Variants in FGF13 observed in about 807,000 individuals in gnomAD.
FGF13 encodes fibroblast growth factor homologous factor 2.
In FGF13, 2 loss-of-function variants were observed where a neutral mutation model predicts 19.5. The observed-to-expected ratio is 0.10, with a 90% confidence interval of 0.04 to 0.32. The LOEUF (loss-of-function observed/expected upper bound fraction) is 0.32. Ranked by LOEUF, FGF13 falls within the 10% of genes least tolerant of loss-of-function variation. The pLI, the probability that FGF13 is intolerant of heterozygous loss-of-function variation, is 1.00. For synonymous variants in FGF13, 72 were observed against 76.9 expected (o/e 0.94, Z 0.33); for missense variants, 113 against 192.7 (o/e 0.59, Z 2.45).
intron 3 of FGF13, among the ~76,000 whole-genome samples, chrX:138,847,349 C>T (rs1323995661): frequency 2.7e-5 from 3 of 111,774 alleles, no homozygotes; most frequent in Non-Finnish European, 3.8e-5. Flanking sequence ...GAAGATGTGG[C>T]CCAGTGGAAG....
intron 1 of FGF13, among the ~76,000 whole-genome samples, chrX:138,981,845 A>G (rs920049907): frequency 4.0e-4 from 44 of 110,944 alleles, no homozygotes; most frequent in African/African-American, 1.4e-3. Context: ...GGTTCATCCA[A>G]TTCCTTTGCT....
At chrX:139,090,941 CAAA>C (rs1181771963) in intron 1 of FGF13, among the ~76,000 whole-genome samples, 9 of 32,760 alleles carry the variant, frequency 2.7e-4, no homozygotes, top group African/African-American at 7.9e-4. Flanking sequence ...GACCCTGTCT[CAAA>C]AAAAAAAAAA....
rs750946571 is a variant in FGF13 at position 138,619,917 on chromosome X, C to T, written c.*12933G>A. ...GTGGAAGACAGTGTGGTGATTTCTC[C>T]GAGATCTAGAACCAGAAATAACATT... On this transcript the variant is annotated 3_prime_UTR_variant, in exon 5 of 5. Coordinates refer to ENST00000315930, the MANE Select transcript of FGF13 (RefSeq NM_004114.5). 3.6e-5 allele frequency: 4 copies of T among 111,606 alleles called. No homozygotes were observed. The highest frequency in any genetic ancestry group is 3.8e-4 in the South Asian group (1 of 2,633). The allele number at this position is 111,606 out of a possible 1,213,427, so 9.2% of individuals were successfully genotyped here. A position where few individuals can be genotyped will look rare whatever the true frequency, so the allele number is the denominator to read the frequency against.
At chrX:138,734,183 C>G (rs1181329778) in intron 1 of FGF13, among the ~76,000 whole-genome samples, 1 of 111,860 alleles carries the variant, frequency 8.9e-6, no homozygotes, top group African/African-American at 3.2e-5. Context: ...ATCTTCACAG[C>G]TTGTATGCAA....
In FGF13 at chrX:139,178,691, A is replaced by G. The variant is rs1035503227; in HGVS notation, c.-113+24725T>C. 2.7e-5 allele frequency among the ~76,000 whole-genome samples: 3 copies of G among 112,162 alleles called. No homozygotes were observed. The South Asian group carries it at 1.1e-3, about 42-fold the overall frequency. ...ATCTAAGGTCTTTAAACAAACATCA[A>G]ACAAGTTATGCGTAGAAAAACAATA... On this transcript the variant is annotated intron_variant, in intron 1 of 2. Coordinates refer to the FGF13 transcript ENST00000421460.
At chrX:138,711,737 C>T (rs1017464851), upstream of FGF13, 258 of 726,251 alleles carry the variant, frequency 3.6e-4, no homozygotes, top group Non-Finnish European at 4.0e-4. Flanking sequence ...GCAGCCCCCT[C>T]CCGCGACGGC....
Position 139,091,791 on chromosome X carries a change from G to A in FGF13, c.-113+111625C>T, listed in dbSNP as rs769983142. 2.7e-5 allele frequency among the ~76,000 whole-genome samples: 3 copies of A among 111,183 alleles called. No individual in the cohort carries two copies. The South Asian group carries it at 1.2e-3, about 43-fold the overall frequency. ...TCAGGGTGTGTTCAGCAAGAGGTAAGGGGTCTAGTTCTGCTGGAAATGAGC... is the reference window on the plus strand; with the variant it reads ...TCAGGGTGTGTTCAGCAAGAGGTAAAGGGTCTAGTTCTGCTGGAAATGAGC... On this transcript the variant is annotated intron_variant, in intron 1 of 2. Transcript: ENST00000421460.
intron 1 of FGF13, among the ~76,000 whole-genome samples, chrX:138,939,046 T>C (rs927598014): frequency 5.3e-5 from 6 of 112,313 alleles, no homozygotes; most frequent in Non-Finnish European, 1.1e-4. Flanking sequence ...GCTTTAAATG[T>C]AATGTTAATT....
Position 138,901,929 on chromosome X carries a change from C to T in FGF13, c.-112-37279G>A, listed in dbSNP as rs72616252. 1.0e-3 allele frequency among the ~76,000 whole-genome samples: 116 copies of T among 111,940 alleles called. No homozygotes were observed. In the East Asian group the frequency reaches 0.03, roughly 29 times the overall value. On this transcript the variant is annotated intron_variant, in intron 1 of 2. Coordinates refer to the FGF13 transcript ENST00000421460. ...CTGTAAATATTAAAAGAAATAATGG[C>T]TAATGGAGGAATTGTGGAAGTAAGG...
upstream of FGF13, among the ~76,000 whole-genome samples, chrX:138,711,846 C>A (rs1381397477): frequency 1.0e-5 from 1 of 98,447 alleles, no homozygotes; most frequent in Non-Finnish European, 2.0e-5. Context: ...GCCGCCCGTT[C>A]CGGCTAACAC....
chrX:139,144,710 G>A (rs2083873425), intron 1 of FGF13, among the ~76,000 whole-genome samples: 1 of 110,990 alleles, frequency 9.0e-6, no homozygotes, highest in Non-Finnish European at 1.9e-5. Context: ...AGCCTCTAGA[G>A]CAACGATCAT....
intron 1 of FGF13, among the ~76,000 whole-genome samples, chrX:138,959,352 G>T (rs1220823114): frequency 8.9e-6 from 1 of 111,808 alleles, no homozygotes; most frequent in Non-Finnish European, 1.9e-5. Context: ...TCTTAATTCT[G>T]AGTTCTAATT....
intron 1 of FGF13, among the ~76,000 whole-genome samples, chrX:138,875,110 C>T (rs139111578): frequency 0.013 from 1,427 of 108,811 alleles, 30 homozygotes; most frequent in African/African-American, 0.046. Context: ...CACGTGCCTG[C>T]AATCCCAGCT....
intron 1 of FGF13, among the ~76,000 whole-genome samples, chrX:139,104,806 G>A (rs2083546505): frequency 9.1e-6 from 1 of 110,053 alleles, no homozygotes; most frequent in African/African-American, 3.3e-5. Context: ...CATTCATGAG[G>A]GCTCAATCCA....
chrX:138,925,434 G>A (rs2091667902), intron 1 of FGF13, among the ~76,000 whole-genome samples: 1 of 111,958 alleles, frequency 8.9e-6, no homozygotes, highest in African/African-American at 3.2e-5. Context: ...AGAAGGGGAT[G>A]ACTCAACCCC....
At chrX:138,970,315 C>T (rs564437) in intron 1 of FGF13, among the ~76,000 whole-genome samples, 92 of 111,421 alleles carry the variant, frequency 8.3e-4, no homozygotes, top group Middle Eastern at 4.6e-3. Flanking sequence ...GGAGGGCGGG[C>T]ATCAAGACCT....
At chrX:138,817,682 C>A (rs1318076545) in intron 3 of FGF13, among the ~76,000 whole-genome samples, 1 of 111,673 alleles carries the variant, frequency 9.0e-6, no homozygotes, top group Non-Finnish European at 1.9e-5. Context: ...TGGTTTAATT[C>A]CTCTGAAAAA....
At position 139,122,541 on chromosome X, in the gene FGF13, G is replaced by A. The variant is rs760705437; in HGVS notation, c.-113+80875C>T. Among the ~76,000 whole-genome samples, 56 of 111,722 alleles carry A rather than the reference G, an allele frequency of 5.0e-4. 2 individuals are homozygous for A. Among genetic ancestry groups the A allele is most frequent in the Admixed American group, 9.5e-5 (1 of 10,529 alleles). ...TCAACCTTTCTGTGGCATTTGACAC[G>A]TGAAATCTTTTCTATACATGGCTTC... is the stretch of plus-strand genomic sequence containing the variant. On this transcript the variant is annotated intron_variant, in intron 1 of 2. Transcript: ENST00000421460.
chrX:138,690,463 T>C (rs2089827867), intron 3 of FGF13, among the ~76,000 whole-genome samples: 1 of 110,956 alleles, frequency 9.0e-6, no homozygotes, highest in Admixed American at 9.6e-5. Flanking sequence ...TTGATACATC[T>C]AAAAGCTTTG....
Sources: gnomAD v4.1 joint callset for allele counts (sites outside exome capture counted in the v4.1 genomes callset) on GRCh38, gnomAD v4.1.1 for gene constraint, MANE v1.5 for transcripts, NCBI Gene and HGNC (gene_info 2026-07-23, HGNC 2026-07-21) for gene names.